The following CDH6 variants were observed in gnomAD, a reference collection of about 807,000 sequenced individuals.
CDH6 encodes the protein cadherin-6.
Under a neutral mutation model 78.0 loss-of-function variants are expected in CDH6, and 31 were observed. The observed-to-expected ratio is 0.40, with a 90% confidence interval of 0.30 to 0.54. The LOEUF is 0.54. Ranked by LOEUF, CDH6 falls within the 20% of genes least tolerant of loss-of-function variation. CDH6 has a pLI of 0.56. For synonymous variants in CDH6, 376 were observed against 368.8 expected, an observed-to-expected ratio of 1.02 and a Z score of -0.23; for missense variants, 724 against 975.9, an observed-to-expected ratio of 0.74 and a Z score of 3.44.
At chr5:31,217,191 C>T (rs1431739896) in intron 1 of CDH6, among the ~76,000 whole-genome samples, 1 of 152,078 alleles carries the variant, frequency 6.6e-6, no homozygotes, top group African/African-American at 2.4e-5. Context: ...CAAAATTTTT[C>T]ATAAATTTAG....
intron 1 of CDH6, among the ~76,000 whole-genome samples, chr5:31,200,164 T>A (rs1377011237): frequency 6.6e-6 from 1 of 152,200 alleles, no homozygotes; most frequent in Non-Finnish European, 1.5e-5. Flanking sequence ...TCAGAATTTA[T>A]AATTGTAGTA....
chr5:31,246,651 G>T (rs1162876008), intron 1 of CDH6, among the ~76,000 whole-genome samples: 6 of 152,314 alleles, frequency 3.9e-5, no homozygotes, highest in Middle Eastern at 3.4e-3. Context: ...CATGATTTTG[G>T]CAATAAAACA....
chr5:31,200,091 T>C (rs953164711), intron 1 of CDH6, among the ~76,000 whole-genome samples: 1 of 152,150 alleles, frequency 6.6e-6, no homozygotes, highest in Non-Finnish European at 1.5e-5. Flanking sequence ...GCTTGGCAGA[T>C]GTGAAGGCTC....
At chr5:31,282,938 G>T (rs1742901139) in intron 2 of CDH6, among the ~76,000 whole-genome samples, 1 of 152,078 alleles carries the variant, frequency 6.6e-6, no homozygotes, top group Admixed American at 6.6e-5. Context: ...ATCCCTTATG[G>T]TATTATTTAA....
In CDH6 at chr5:31,313,845, G is replaced by A. The variant is rs1050684981; in HGVS notation, c.1390+391G>A. Among the ~76,000 whole-genome samples the A allele has an allele frequency of 2.6e-5, 4 of 151,956 alleles. No individual in the cohort carries two copies. In the South Asian group the frequency reaches 8.3e-4, roughly 32 times the overall value. On this transcript the variant is annotated intron_variant, in intron 8 of 11. Coordinates refer to ENST00000265071, the MANE Select transcript of CDH6 (RefSeq NM_004932.4). ...GGGGTCAAGTATATTGTAAAATGTGGGCATTGTTTAGAAAATTTTAGATAT... is the reference window on the plus strand; with the variant it reads ...GGGGTCAAGTATATTGTAAAATGTGAGCATTGTTTAGAAAATTTTAGATAT...
At position 31,322,960 on chromosome 5, in the gene CDH6, C is replaced by T. The variant is rs753823559; in HGVS notation, c.2025C>T (p.Gly675=). Reference sequence around the variant, plus strand: ...AGGACACCCAGGCTTTTGATATCGGCACCCTGAGGAATCCTGAAGCCATAG... The same window carrying T: ...AGGACACCCAGGCTTTTGATATCGGTACCCTGAGGAATCCTGAAGCCATAG... ...GEEDTQAFDI[G]TLRNPEAIED... The change falls in exon 12 of 12, where the codon GGC becomes GGT. Residue 675 remains glycine, a synonymous_variant. Transcript: ENST00000265071. 1 of 1,614,092 alleles carries T rather than the reference C, an allele frequency of 6.2e-7. No individual in the cohort carries two copies. The highest frequency in any genetic ancestry group is 8.5e-7 in the Non-Finnish European group (1 of 1,179,990).
Position 31,265,676 on chromosome 5 carries a change from T to C in CDH6, c.-128-1670T>C, listed in dbSNP as rs111317871. 3.8e-3 allele frequency among the ~76,000 whole-genome samples: 575 copies of C among 152,218 alleles called. 5 individuals are homozygous for C. Among genetic ancestry groups the C allele is most frequent in the African/African-American group, 0.013 (526 of 41,520 alleles). ...AAACATGTTCTTGATCTGCATGGTT[T>C]AGAGTAAATGTACCAGTTCAATTAC... On this transcript the variant is annotated intron_variant, in intron 1 of 11. Coordinates refer to ENST00000265071, the MANE Select transcript of CDH6 (RefSeq NM_004932.4).
chr5:31,303,120 T>C (rs1737879008), intron 6 of CDH6, among the ~76,000 whole-genome samples: 1 of 152,106 alleles, frequency 6.6e-6, no homozygotes, highest in Non-Finnish European at 1.5e-5. Flanking sequence ...TATAAACAAA[T>C]GATATTCGTA....
At chr5:31,273,202 C>T (rs992975839) in intron 2 of CDH6, among the ~76,000 whole-genome samples, 3 of 152,090 alleles carry the variant, frequency 2.0e-5, no homozygotes, top group African/African-American at 7.2e-5. Flanking sequence ...TTAAAAGATG[C>T]CATCGTTGAA....
At chr5:31,306,613 T>G (rs1737999482) in intron 7 of CDH6, among the ~76,000 whole-genome samples, 1 of 152,124 alleles carries the variant, frequency 6.6e-6, no homozygotes, top group African/African-American at 2.4e-5. Context: ...TTACTCCCCA[T>G]AAACAAAGTA....
At chr5:31,314,139 A>T (rs1738236544) in intron 8 of CDH6, among the ~76,000 whole-genome samples, 1 of 152,172 alleles carries the variant, frequency 6.6e-6, no homozygotes, top group Non-Finnish European at 1.5e-5. Context: ...ACATAAGTGA[A>T]AAATGATCTT....
intron 1 of CDH6, among the ~76,000 whole-genome samples, chr5:31,206,689 T>G (rs1421407167): frequency 6.6e-6 from 1 of 152,206 alleles, no homozygotes; most frequent in Non-Finnish European, 1.5e-5. Context: ...TTCCTCATAC[T>G]CTATCCAAGA....
intron 11 of CDH6, among the ~76,000 whole-genome samples, chr5:31,321,298 G>C (rs933496654): frequency 9.2e-5 from 14 of 152,160 alleles, no homozygotes; most frequent in African/African-American, 3.4e-4. Flanking sequence ...GGCAGCAAAA[G>C]AGGGTGCATA....
intron 7 of CDH6, among the ~76,000 whole-genome samples, chr5:31,311,966 A>G (rs1217784273): frequency 6.6e-6 from 1 of 152,208 alleles, no homozygotes; most frequent in African/African-American, 2.4e-5. Flanking sequence ...GTCTTCCATC[A>G]GTATTAGGGT....
intron 7 of CDH6, among the ~76,000 whole-genome samples, chr5:31,308,579 A>T (rs1195452536): frequency 6.6e-6 from 1 of 152,118 alleles, no homozygotes; most frequent in Non-Finnish European, 1.5e-5. Flanking sequence ...GGAAGGAAAA[A>T]ACAACAAACA....
At chr5:31,286,239 C>T (rs191787597) in intron 2 of CDH6, among the ~76,000 whole-genome samples, 1 of 152,272 alleles carries the variant, frequency 6.6e-6, no homozygotes, top group African/African-American at 2.4e-5. Flanking sequence ...CCTTTATGAA[C>T]CTGCAATCTA....
chr5:31,213,010 C>G (rs943961558), intron 1 of CDH6, among the ~76,000 whole-genome samples: 1 of 152,118 alleles, frequency 6.6e-6, no homozygotes, highest in Non-Finnish European at 1.5e-5. Context: ...CTACTATGCA[C>G]TAATTACAGA....
chr5:31,279,035 A>C (rs559560212), intron 2 of CDH6, among the ~76,000 whole-genome samples: 1 of 152,156 alleles, frequency 6.6e-6, no homozygotes, highest in African/African-American at 2.4e-5. Flanking sequence ...GAGGATCAAC[A>C]TCCCCCAGGC....
intron 11 of CDH6, among the ~76,000 whole-genome samples, chr5:31,322,525 T>C (rs1738499206): frequency 6.6e-6 from 1 of 152,166 alleles, no homozygotes; most frequent in South Asian, 2.1e-4. Flanking sequence ...ATTATTTTTT[T>C]CCTTACCTTG....
Sources: allele counts gnomAD v4.1 joint callset (sites outside exome capture counted in the v4.1 genomes callset), GRCh38; gene constraint gnomAD v4.1.1; transcripts MANE v1.5; gene names NCBI Gene and HGNC (gene_info 2026-07-23, HGNC 2026-07-21).